CNTNAP2: variants seen among roughly 807,000 people sequenced by gnomAD.
CNTNAP2 encodes the protein contactin-associated protein-like 2.
Under a neutral mutation model 155.2 loss-of-function variants are expected in CNTNAP2, and 98 were observed. The observed-to-expected ratio is 0.63, with a 90% CI of 0.54 to 0.75. The LOEUF (loss-of-function observed/expected upper bound fraction) is 0.75. Ranked by LOEUF, CNTNAP2 falls within the 30% of genes least tolerant of loss-of-function variation. The pLI, the probability that CNTNAP2 is intolerant of heterozygous loss-of-function variation, is 0.00. For synonymous variants in CNTNAP2, 651 were observed against 631.2 expected (o/e 1.03, Z -0.47); for missense variants, 1,727 against 1,688.1 (o/e 1.02, Z -0.40).
chr7:147,866,379 G>GA (rs1285463198), intron 13 of CNTNAP2, among the ~76,000 whole-genome samples: 2 of 152,160 alleles, frequency 1.3e-5, no homozygotes, highest in East Asian at 1.9e-4. Flanking sequence ...GTGGTGCTGA[G>GA]AAAAATGTGT....
intron 12 of CNTNAP2, 149 bp downstream of exon 12, chr7:147,562,406 A>T: frequency 9.6e-7 from 1 of 1,041,308 alleles, no homozygotes. Context: ...TAAGATGATG[A>T]AATGTATTAT....
At position 148,073,832 on chromosome 7, in the gene CNTNAP2, G is replaced by A. The variant is rs191632935; in HGVS notation, c.2384-44286G>A. ...CAATGGGTTCTGAACCTGCAACCAA[G>A]GCAAGACACAAATATAGTATTCACA... On this transcript the variant is annotated intron_variant, in intron 15 of 23. Coordinates refer to ENST00000361727, the MANE Select transcript of CNTNAP2 (RefSeq NM_014141.6). Among the ~76,000 whole-genome samples, 71 of 151,756 alleles carry A rather than the reference G, an allele frequency of 4.7e-4. 1 individual carries two copies. The East Asian group carries it at 0.014, about 29-fold the overall frequency.
intron 21 of CNTNAP2, among the ~76,000 whole-genome samples, chr7:148,328,244 G>A (rs1034137858): frequency 6.6e-6 from 1 of 152,170 alleles, no homozygotes; most frequent in Non-Finnish European, 1.5e-5. Flanking sequence ...AGGCTGGGGT[G>A]TGCCGGGGCT....
intron 13 of CNTNAP2, among the ~76,000 whole-genome samples, chr7:147,814,984 AC>A (rs1294510311): frequency 6.6e-6 from 1 of 152,176 alleles, no homozygotes; most frequent in Non-Finnish European, 1.5e-5. Context: ...TAGTAGTCCT[AC>A]GTTTTAGGGA....
At chr7:147,775,140 G>A (rs1384292132) in intron 13 of CNTNAP2, among the ~76,000 whole-genome samples, 2 of 146,722 alleles carry the variant, frequency 1.4e-5, no homozygotes, top group Non-Finnish European at 3.0e-5. Flanking sequence ...TCTTATGGGG[G>A]TATTTAACTG....
chr7:146,326,990 A>G (rs1290593134), intron 1 of CNTNAP2, among the ~76,000 whole-genome samples: 2 of 152,214 alleles, frequency 1.3e-5, no homozygotes, highest in African/African-American at 2.4e-5. Flanking sequence ...AAGTATAAAA[A>G]TGGAACTATT....
At chr7:146,388,991 C>A (rs971450338) in intron 1 of CNTNAP2, among the ~76,000 whole-genome samples, 2 of 152,126 alleles carry the variant, frequency 1.3e-5, no homozygotes, top group African/African-American at 4.8e-5. Flanking sequence ...GGGATCCTGA[C>A]TTCAGAAGAA....
chr7:146,964,276 A>T (rs1397679691), intron 3 of CNTNAP2, among the ~76,000 whole-genome samples: 1 of 152,218 alleles, frequency 6.6e-6, no homozygotes, highest in Non-Finnish European at 1.5e-5. Context: ...TTACAAAAAC[A>T]TGCAAAATTT....
At chr7:146,559,426 G>A (rs193005868) in intron 1 of CNTNAP2, among the ~76,000 whole-genome samples, 1 of 151,926 alleles carries the variant, frequency 6.6e-6, no homozygotes, top group African/African-American at 2.4e-5. Context: ...AAATTAACTG[G>A]GTGTGTTGGC....
chr7:148,005,959 A>G (rs1202028943), intron 15 of CNTNAP2, among the ~76,000 whole-genome samples: 2 of 152,192 alleles, frequency 1.3e-5, no homozygotes, highest in African/African-American at 4.8e-5. Flanking sequence ...CCTGCTTTCA[A>G]TAGAGTCTCA....
chr7:147,044,175 C>T (rs1035729625), intron 4 of CNTNAP2, 121 bp downstream of exon 4: 4 of 1,056,640 alleles, frequency 3.8e-6, no homozygotes, highest in Admixed American at 1.9e-5. Flanking sequence ...TTCTCATTTA[C>T]ATATATATGT....
intron 3 of CNTNAP2, among the ~76,000 whole-genome samples, chr7:146,927,722 C>T (rs970712133): frequency 4.0e-5 from 6 of 151,704 alleles, no homozygotes; most frequent in Admixed American, 3.9e-4. Context: ...TTGGTCCTAA[C>T]CCTGATCACC....
chr7:146,256,918 C>T (rs1321810711), intron 1 of CNTNAP2, among the ~76,000 whole-genome samples: 4 of 152,130 alleles, frequency 2.6e-5, no homozygotes, highest in Non-Finnish European at 5.9e-5. Context: ...TTCATTTAAG[C>T]TAGAACAAGT....
At chr7:146,275,968 G>A (rs939440707) in intron 1 of CNTNAP2, among the ~76,000 whole-genome samples, 1 of 152,134 alleles carries the variant, frequency 6.6e-6, no homozygotes, top group African/African-American at 2.4e-5. Flanking sequence ...GTGGGTCAAG[G>A]CCGTGGATAC....
chr7:148,046,064 T>C, intron 15 of CNTNAP2, among the ~76,000 whole-genome samples: 1 of 152,316 alleles, frequency 6.6e-6, no homozygotes, highest in Non-Finnish European at 1.5e-5. Context: ...TTCAATATTA[T>C]TACCAAAATA....
chr7:147,380,550 G>A (rs573574743), intron 9 of CNTNAP2, among the ~76,000 whole-genome samples: 2 of 152,118 alleles, frequency 1.3e-5, no homozygotes, highest in East Asian at 3.9e-4. Flanking sequence ...TTTAGGCCAA[G>A]CACACTCCTA....
intron 9 of CNTNAP2, among the ~76,000 whole-genome samples, chr7:147,360,377 C>T (rs971648361): frequency 2.6e-5 from 4 of 151,942 alleles, no homozygotes; most frequent in Admixed American, 6.6e-5. Flanking sequence ...TTATTTATCC[C>T]GTGTCTCCTG....
At chr7:146,335,819 T>C (rs557148559) in intron 1 of CNTNAP2, among the ~76,000 whole-genome samples, 2 of 152,306 alleles carry the variant, frequency 1.3e-5, no homozygotes, top group South Asian at 4.1e-4. Context: ...TGGATACTTA[T>C]ACAATGTTAT....
chr7:146,586,317 CTTTAATA>C (rs1420732532), intron 1 of CNTNAP2, among the ~76,000 whole-genome samples: 4 of 151,938 alleles, frequency 2.6e-5, no homozygotes, highest in South Asian at 4.1e-4. Context: ...TTCTTTGTAA[CTTTAATA>C]TTTAAGGAAA....
Sources: allele counts gnomAD v4.1 joint callset (sites outside exome capture counted in the v4.1 genomes callset), GRCh38; gene constraint gnomAD v4.1.1; transcripts MANE v1.5; gene names NCBI Gene and HGNC (gene_info 2026-07-23, HGNC 2026-07-21).